The following BTBD9 variants were observed in gnomAD, a reference collection of about 807,000 sequenced individuals.
The protein encoded by BTBD9 is BTB/POZ domain-containing protein 9.
BTBD9 carries 49 observed loss-of-function variants against 64.3 expected under a neutral mutation model. The ratio of observed to expected loss-of-function variants is 0.76; its 90% confidence interval spans 0.61 to 0.97. BTBD9 has a LOEUF of 0.97. Among genes scored for constraint, BTBD9 ranks in the 50% least tolerant of loss-of-function variants. The pLI, the probability that BTBD9 is intolerant of heterozygous loss-of-function variation, is 0.00. For missense variants in BTBD9, 598 were observed against 762.1 expected (o/e 0.78, Z 2.53); for synonymous variants, 260 against 274.7 (o/e 0.95, Z 0.53).
intron 7 of BTBD9, among the ~76,000 whole-genome samples, chr6:38,329,447 G>A (rs1179409896): frequency 3.3e-5 from 5 of 150,898 alleles, no homozygotes; most frequent in African/African-American, 7.3e-5. Context: ...CTAAGCCTCC[G>A]GAGTAGCTGG....
intron 6 of BTBD9, among the ~76,000 whole-genome samples, chr6:38,467,981 A>T (rs1050902586): frequency 6.6e-6 from 1 of 152,228 alleles, no homozygotes; most frequent in African/African-American, 2.4e-5. Context: ...CACATGTTTA[A>T]AGTGGCTCTA....
intron 6 of BTBD9, among the ~76,000 whole-genome samples, chr6:38,547,214 AG>A (rs1774593324): frequency 6.6e-6 from 1 of 152,174 alleles, no homozygotes; most frequent in Non-Finnish European, 1.5e-5. Flanking sequence ...CTCAAGTGAA[AG>A]GAAGAGTGAC....
At chr6:38,265,506 T>TC (rs1764942273) in intron 8 of BTBD9, among the ~76,000 whole-genome samples, 1 of 128,646 alleles carries the variant, frequency 7.8e-6, no homozygotes, top group African/African-American at 3.1e-5. Context: ...CAATCTTTTT[T>TC]TTTTTTTTTT....
chr6:38,591,156 C>G (rs1488064645), intron 4 of BTBD9, among the ~76,000 whole-genome samples: 4 of 152,176 alleles, frequency 2.6e-5, no homozygotes, highest in African/African-American at 9.7e-5. Context: ...AAGGGAGATT[C>G]CAATCTAGTT....
chr6:38,381,320 T>C (rs1765924878), intron 6 of BTBD9, among the ~76,000 whole-genome samples: 1 of 152,030 alleles, frequency 6.6e-6, no homozygotes. Context: ...GTTACAATAA[T>C]GTCAGAAAAA....
chr6:38,569,582 G>A (rs1775667067), intron 6 of BTBD9, among the ~76,000 whole-genome samples: 1 of 152,096 alleles, frequency 6.6e-6, no homozygotes. Flanking sequence ...AGCTTATTAG[G>A]ACACTAATTT....
intron 10 of BTBD9, among the ~76,000 whole-genome samples, chr6:38,178,916 T>G (rs1761411823): frequency 6.6e-6 from 1 of 152,044 alleles, no homozygotes; most frequent in African/African-American, 2.4e-5. Flanking sequence ...GCAGGGGGGC[T>G]ATCTCAGCTC....
At chr6:38,374,044 G>T (rs1034831952) in intron 6 of BTBD9, among the ~76,000 whole-genome samples, 1 of 151,348 alleles carries the variant, frequency 6.6e-6, no homozygotes, top group African/African-American at 2.4e-5. Flanking sequence ...GCCAAGGCAG[G>T]CAGATCACTT....
intron 6 of BTBD9, among the ~76,000 whole-genome samples, chr6:38,522,168 T>C (rs1773297419): frequency 6.6e-6 from 1 of 152,176 alleles, no homozygotes; most frequent in Non-Finnish European, 1.5e-5. Flanking sequence ...CATCTCCCTC[T>C]CCCTAATCTT....
chr6:38,477,230 G>A (rs1274228705), intron 6 of BTBD9, among the ~76,000 whole-genome samples: 2 of 152,226 alleles, frequency 1.3e-5, no homozygotes, highest in Non-Finnish European at 2.9e-5. Flanking sequence ...AATTAGAGGA[G>A]AGTAAAGTAA....
chr6:38,349,642 G>C (rs1764422374), intron 6 of BTBD9, among the ~76,000 whole-genome samples: 1 of 151,964 alleles, frequency 6.6e-6, no homozygotes. Context: ...GTATATATAA[G>C]GTTCAGTACC....
chr6:38,540,871 C>T (rs1774237414), intron 6 of BTBD9, among the ~76,000 whole-genome samples: 1 of 152,120 alleles, frequency 6.6e-6, no homozygotes, highest in Admixed American at 6.5e-5. Context: ...AATTTAACTC[C>T]AAAGCAAAGC....
intron 1 of BTBD9, among the ~76,000 whole-genome samples, chr6:38,608,327 T>C (rs1777497215): frequency 6.6e-6 from 1 of 152,134 alleles, no homozygotes; most frequent in Non-Finnish European, 1.5e-5. Context: ...CAGAAAAATA[T>C]ATGCACCTAG....
intron 6 of BTBD9, among the ~76,000 whole-genome samples, chr6:38,548,132 T>C (rs1341345042): frequency 6.6e-6 from 1 of 152,226 alleles, no homozygotes; most frequent in Non-Finnish European, 1.5e-5. Flanking sequence ...TTATGTTTCT[T>C]TGCAGCAAAT....
intron 6 of BTBD9, among the ~76,000 whole-genome samples, chr6:38,406,576 T>C (rs895824531): frequency 9.9e-5 from 15 of 152,178 alleles, no homozygotes; most frequent in Non-Finnish European, 1.6e-4. Flanking sequence ...TCTGATACTC[T>C]TACTCTCAAA....
chr6:38,605,097 A>G (rs1777385851), intron 1 of BTBD9, among the ~76,000 whole-genome samples: 1 of 151,328 alleles, frequency 6.6e-6, no homozygotes, highest in Non-Finnish European at 1.5e-5. Flanking sequence ...CTCAGGCTGG[A>G]GTGCAGTGGT....
intron 8 of BTBD9, among the ~76,000 whole-genome samples, chr6:38,271,597 T>C (rs986024385): frequency 4.6e-5 from 7 of 152,112 alleles, no homozygotes; most frequent in African/African-American, 9.7e-5. Flanking sequence ...CAGGGTCGAA[T>C]AGTTGCACCA....
At chr6:38,286,392 G>A (rs1031238727) in intron 8 of BTBD9, among the ~76,000 whole-genome samples, 4 of 152,080 alleles carry the variant, frequency 2.6e-5, no homozygotes, top group Middle Eastern at 3.2e-3. Context: ...TATACATACT[G>A]ATTTTCAAAT....
intron 10 of BTBD9, among the ~76,000 whole-genome samples, chr6:38,181,131 GT>G (rs567678431): frequency 1.5e-3 from 230 of 152,314 alleles, no homozygotes; most frequent in African/African-American, 5.0e-3. Flanking sequence ...AATTTTCAAG[GT>G]TTTTAAAAGC....
Sources: gnomAD v4.1 joint callset for allele counts (sites outside exome capture counted in the v4.1 genomes callset) on GRCh38, gnomAD v4.1.1 for gene constraint, MANE v1.5 for transcripts, NCBI Gene and HGNC (gene_info 2026-07-23, HGNC 2026-07-21) for gene names.